PCAT7: variants seen among roughly 807,000 people sequenced by gnomAD.
The protein encoded by PCAT7 is prostate cancer associated transcript 7.
chr9:94,567,412 C>A (rs1338909299), intron 2 of PCAT7: 2 of 1,613,542 alleles, frequency 1.2e-6, no homozygotes, highest in African/African-American at 2.7e-5. Flanking sequence ...AAGAGCCTAG[C>A]AACATGAAGA....
At chr9:94,556,356 G>A (rs541910053) in intron 1 of PCAT7, among the ~76,000 whole-genome samples, 10 of 152,128 alleles carry the variant, frequency 6.6e-5, no homozygotes, top group African/African-American at 1.7e-4. Context: ...GGGGAAAAGC[G>A]TGGTGAGCGG....
chr9:94,574,149 T>C (rs1257398575), intron 3 of PCAT7, among the ~76,000 whole-genome samples: 1 of 152,184 alleles, frequency 6.6e-6, no homozygotes, highest in African/African-American at 2.4e-5. Flanking sequence ...ATTAACAATC[T>C]ACTGCATAAA....
chr9:94,569,872 C>G (rs1827247731), intron 2 of PCAT7: 1 of 152,224 alleles, frequency 6.6e-6, no homozygotes, highest in Non-Finnish European at 1.5e-5. Flanking sequence ...TCAGTTTGAC[C>G]CACCAGGGAA....
chr9:94,560,226 GTC>G (rs1203531927), intron 2 of PCAT7, among the ~76,000 whole-genome samples: 1 of 152,196 alleles, frequency 6.6e-6, no homozygotes, highest in East Asian at 1.9e-4. Flanking sequence ...CTGCTTGCCA[GTC>G]TCTGCACAAG....
At chr9:94,571,352 C>T in intron 2 of PCAT7, 1 of 1,180,136 alleles carries the variant, frequency 8.5e-7, no homozygotes, top group Non-Finnish European at 1.1e-6. Flanking sequence ...GACCCCTGGT[C>T]CCCAAAACAA....
At chr9:94,568,907 C>G (rs1827233344) in intron 2 of PCAT7, 2 of 152,226 alleles carry the variant, frequency 1.3e-5, no homozygotes, top group African/African-American at 4.8e-5. Context: ...TTTAGAATTA[C>G]CAAGCAAAAC....
intron 1 of PCAT7, chr9:94,555,389 CGAG>C (rs958449199): frequency 6.6e-6 from 1 of 151,364 alleles, no homozygotes; most frequent in African/African-American, 2.4e-5. Flanking sequence ...AAAAGGATAG[CGAG>C]GAGGAGAAGG....
chr9:94,572,699 TCA>T (rs547296641), intron 2 of PCAT7, among the ~76,000 whole-genome samples: 4 of 151,540 alleles, frequency 2.6e-5, no homozygotes, highest in South Asian at 2.1e-4. Context: ...TGCATTTAAT[TCA>T]CACACACACA....
At chr9:94,563,372 G>A in intron 2 of PCAT7, 1 of 1,614,124 alleles carries the variant, frequency 6.2e-7, no homozygotes, top group Non-Finnish European at 8.5e-7. Context: ...GGTTGGCTGG[G>A]TACAGGAAGA....
chr9:94,554,837 C>A (rs1442797095), upstream of PCAT7, among the ~76,000 whole-genome samples: 1 of 152,222 alleles, frequency 6.6e-6, no homozygotes, highest in Non-Finnish European at 1.5e-5. Context: ...CCTTCCAGTT[C>A]TTTAAGCCGG....
intron 2 of PCAT7, chr9:94,569,853 C>T (rs1827247504): frequency 6.6e-6 from 1 of 152,242 alleles, no homozygotes; most frequent in Non-Finnish European, 1.5e-5. Flanking sequence ...TCCCACAGAC[C>T]TCACAGGCTC....
intron 2 of PCAT7, chr9:94,569,456 T>C (rs755487358): frequency 2.6e-5 from 4 of 152,240 alleles, no homozygotes; most frequent in African/African-American, 9.6e-5. Context: ...ATCTGAACAG[T>C]GGCACTCACT....
At chr9:94,560,937 C>T (rs1827089321) in intron 2 of PCAT7, among the ~76,000 whole-genome samples, 1 of 151,856 alleles carries the variant, frequency 6.6e-6, no homozygotes, top group South Asian at 2.1e-4. Context: ...ACCTCTGGCT[C>T]TTAAAGTAGT....
At chr9:94,559,107 G>A in exon 2 of PCAT7, 1 of 1,613,276 alleles carries the variant, frequency 6.2e-7, no homozygotes, top group Non-Finnish European at 8.5e-7. Context: ...GTAGGCCACG[G>A]GATTGCATTC....
chr9:94,565,812 A>G (rs1326285326), intron 2 of PCAT7, among the ~76,000 whole-genome samples: 1 of 152,132 alleles, frequency 6.6e-6, no homozygotes, highest in Non-Finnish European at 1.5e-5. Context: ...AGAGTGAGGG[A>G]GGGAGCGAGG....
intron 2 of PCAT7, chr9:94,568,191 A>G (rs1043915924): frequency 2.0e-5 from 3 of 152,086 alleles, no homozygotes; most frequent in African/African-American, 7.2e-5. Flanking sequence ...CATAGAAACT[A>G]TTCAGTTTCT....
chr9:94,554,668 C>T (rs10993242), upstream of PCAT7, among the ~76,000 whole-genome samples: 100,607 of 152,186 alleles, frequency 0.66, 33,658 homozygotes, highest in Admixed American at 0.75. Flanking sequence ...GCCTCCAGCA[C>T]GCGGCGGTGC....
chr9:94,559,275 C>A, intron 2 of PCAT7: 1 of 696,070 alleles, frequency 1.4e-6, no homozygotes, highest in Non-Finnish European at 2.4e-6. Context: ...CAAGAGTGGG[C>A]CCGAGCTTTA....
intron 2 of PCAT7, among the ~76,000 whole-genome samples, chr9:94,560,265 A>C (rs1263013513): frequency 6.6e-6 from 1 of 152,208 alleles, no homozygotes; most frequent in Non-Finnish European, 1.5e-5. Context: ...CAGAGGAAGG[A>C]AGGCCTTCTC....
Sources: allele counts gnomAD v4.1 joint callset (sites outside exome capture counted in the v4.1 genomes callset), GRCh38; gene constraint gnomAD v4.1.1; transcripts MANE v1.5; gene names NCBI Gene and HGNC (gene_info 2026-07-23, HGNC 2026-07-21).